The following SPIDR variants were observed in gnomAD, a reference collection of about 807,000 sequenced individuals.
SPIDR encodes the protein scaffold protein involved in DNA repair, also known as DNA repair-scaffolding protein.
SPIDR carries 93 observed loss-of-function variants against 104.6 expected under a neutral mutation model. The observed-to-expected ratio is 0.89, with a 90% CI of 0.75 to 1.06. The LOEUF (loss-of-function observed/expected upper bound fraction) is 1.06. Among genes scored for constraint, SPIDR ranks in the 50% least tolerant of loss-of-function variants. The probability of loss-of-function intolerance (pLI) is 0.00; values close to 1 mark genes in which losing one functional copy is unlikely to be tolerated. For missense variants in SPIDR, 1,154 were observed against 1,111.2 expected, an observed-to-expected ratio of 1.04 and a Z score of -0.55; for synonymous variants, 431 against 416.9, an observed-to-expected ratio of 1.03 and a Z score of -0.41.
rs561761595 is a variant in SPIDR, at chr8:47,605,756, T to C, written c.1544+6560T>C. 3.3e-5 allele frequency among the ~76,000 whole-genome samples: 5 copies of C among 152,242 alleles called. No homozygotes were observed. The South Asian group carries it at 8.3e-4, about 25-fold the overall frequency. ...GTATGTGAAGTACTCAGCAGGATGC[T>C]TCCCATATGACAAGCACTCAGTAAA... On this transcript the variant is annotated intron_variant, in intron 10 of 19. Transcript: ENST00000297423.
intron 8 of SPIDR, among the ~76,000 whole-genome samples, chr8:47,574,600 A>T (rs1212284092): frequency 1.2e-4 from 19 of 152,036 alleles, no homozygotes; most frequent in Non-Finnish European, 1.5e-4. Context: ...TACTAAAAAT[A>T]CTAAAAAATA....
chr8:47,385,611 G>A (rs1197921847), intron 5 of SPIDR, among the ~76,000 whole-genome samples: 1 of 152,140 alleles, frequency 6.6e-6, no homozygotes, highest in African/African-American at 2.4e-5. Context: ...TGCTTCTGCC[G>A]GCCTGTGGTT....
At chr8:47,574,524 G>T (rs577410469) in intron 8 of SPIDR, among the ~76,000 whole-genome samples, 6 of 152,240 alleles carry the variant, frequency 3.9e-5, no homozygotes, top group Admixed American at 3.9e-4. Context: ...TTTGGAGGCT[G>T]AGGCGGGTGG....
chr8:47,288,291 CTTTT>C (rs782147624), intron 3 of SPIDR, among the ~76,000 whole-genome samples: 3 of 145,758 alleles, frequency 2.1e-5, no homozygotes, highest in Non-Finnish European at 4.5e-5. Flanking sequence ...TAACTTCCTT[CTTTT>C]TTTTTTTTGA....
chr8:47,392,301 C>T (rs1477978506), intron 5 of SPIDR, among the ~76,000 whole-genome samples: 2 of 152,134 alleles, frequency 1.3e-5, no homozygotes, highest in African/African-American at 4.8e-5. Context: ...CAGACACCAC[C>T]TTTATGGGGA....
chr8:47,718,380 T>C (rs968075009), intron 16 of SPIDR, among the ~76,000 whole-genome samples: 1 of 152,212 alleles, frequency 6.6e-6, no homozygotes, highest in Non-Finnish European at 1.5e-5. Flanking sequence ...AAATTATTTT[T>C]TTTTTCTGTG....
chr8:47,660,409 G>T, intron 10 of SPIDR: 1 of 979,054 alleles, frequency 1.0e-6, no homozygotes, highest in Non-Finnish European at 1.2e-6. Context: ...GTTTCATCTG[G>T]CACCAGTTTT....
At chr8:47,529,113 T>C (rs975840532) in intron 8 of SPIDR, among the ~76,000 whole-genome samples, 1 of 152,198 alleles carries the variant, frequency 6.6e-6, no homozygotes, top group African/African-American at 2.4e-5. Flanking sequence ...CAAAAAGATG[T>C]AGCACAATAT....
chr8:47,410,545 G>A (rs964678504), intron 7 of SPIDR, among the ~76,000 whole-genome samples: 6 of 151,712 alleles, frequency 4.0e-5, no homozygotes, highest in African/African-American at 9.7e-5. Flanking sequence ...GTTTCTTGGC[G>A]TTTTTTTATA....
chr8:47,357,972 T>A, intron 5 of SPIDR: 1 of 542,492 alleles, frequency 1.8e-6, no homozygotes, highest in African/African-American at 2.1e-5. Flanking sequence ...ACATTCACTC[T>A]GGCAGTCTTT....
At chr8:47,371,149 GA>G (rs1271875054) in intron 5 of SPIDR, among the ~76,000 whole-genome samples, 27 of 141,034 alleles carry the variant, frequency 1.9e-4, no homozygotes, top group African/African-American at 4.7e-4. Context: ...TTTTTTTAAG[GA>G]AAAAAAAAAG....
intron 8 of SPIDR, among the ~76,000 whole-genome samples, chr8:47,524,585 A>T: frequency 6.6e-6 from 1 of 152,128 alleles, no homozygotes; most frequent in Middle Eastern, 3.2e-3. Flanking sequence ...AGCTAGAGGC[A>T]GAGAGACAGG....
At chr8:47,308,232 T>C (rs1364705129) in intron 5 of SPIDR, among the ~76,000 whole-genome samples, 3 of 151,932 alleles carry the variant, frequency 2.0e-5, no homozygotes, top group African/African-American at 7.3e-5. Context: ...CAGCTAATTT[T>C]TGTGCTTCTT....
chr8:47,465,682 G>A (rs1554716491), intron 8 of SPIDR, among the ~76,000 whole-genome samples: 1 of 152,112 alleles, frequency 6.6e-6, no homozygotes, highest in East Asian at 1.9e-4. Flanking sequence ...GTTGCGCTGA[G>A]CCAGGATCAC....
chr8:47,479,991 A>T (rs1289869598), intron 8 of SPIDR, among the ~76,000 whole-genome samples: 1 of 152,190 alleles, frequency 6.6e-6, no homozygotes, highest in Admixed American at 6.6e-5. Flanking sequence ...ACCACCAGCC[A>T]AAAAAGGTGA....
At chr8:47,327,999 TGTTTTTTTTTTG>T (rs1216735194) in intron 5 of SPIDR, among the ~76,000 whole-genome samples, 1 of 150,634 alleles carries the variant, frequency 6.6e-6, no homozygotes, top group African/African-American at 2.5e-5. Context: ...CCCCTGGCCG[TGTTTTTTTTTTG>T]GTTTTTTTTT....
intron 8 of SPIDR, among the ~76,000 whole-genome samples, chr8:47,562,171 G>A (rs1323778340): frequency 6.6e-6 from 1 of 152,116 alleles, no homozygotes; most frequent in East Asian, 1.9e-4. Flanking sequence ...TTCTCCTCTT[G>A]CCATTTGGCA....
chr8:47,319,621 C>A (rs929022661), intron 5 of SPIDR, among the ~76,000 whole-genome samples: 7 of 152,172 alleles, frequency 4.6e-5, no homozygotes, highest in African/African-American at 1.7e-4. Context: ...GAACCCTCCA[C>A]CCCAAATGAA....
intron 5 of SPIDR, among the ~76,000 whole-genome samples, chr8:47,323,058 T>G (rs561755653): frequency 1.2e-4 from 18 of 151,398 alleles, no homozygotes; most frequent in African/African-American, 3.9e-4. Context: ...CTGCACATTG[T>G]GCGCATGTAC....
Sources: allele counts gnomAD v4.1 joint callset (sites outside exome capture counted in the v4.1 genomes callset), GRCh38; gene constraint gnomAD v4.1.1; transcripts MANE v1.5; gene names NCBI Gene and HGNC (gene_info 2026-07-23, HGNC 2026-07-21).